The following PTPRT variants were observed in gnomAD, a reference collection of about 807,000 sequenced individuals.
PTPRT encodes protein tyrosine phosphatase receptor type T.
A neutral mutation model predicts 176.8 loss-of-function variants in PTPRT; 56 were observed. The ratio of observed to expected loss-of-function variants is 0.32; its 90% confidence interval spans 0.26 to 0.40. The LOEUF (loss-of-function observed/expected upper bound fraction) is 0.40, where lower values mean the gene tolerates loss of function less well. Among genes scored for constraint, PTPRT ranks in the 10% least tolerant of loss-of-function variants. The pLI, the probability that PTPRT is intolerant of heterozygous loss-of-function variation, is 1.00. For synonymous variants in PTPRT, 783 were observed against 739.0 expected (o/e 1.06, Z -0.96); for missense variants, 1,540 against 1,908.2 (o/e 0.81, Z 3.60).
At chr20:42,365,181 G>A (rs945807694) in intron 9 of PTPRT, among the ~76,000 whole-genome samples, 1 of 152,174 alleles carries the variant, frequency 6.6e-6, no homozygotes, top group Non-Finnish European at 1.5e-5. Flanking sequence ...TTCCCACTAA[G>A]TGTTCGAAAC....
intron 7 of PTPRT, among the ~76,000 whole-genome samples, chr20:42,538,320 C>T (rs768871274): frequency 1.1e-4 from 17 of 152,146 alleles, no homozygotes; most frequent in Non-Finnish European, 2.1e-4. Context: ...CTCTGAAATC[C>T]GAACATACTA....
intron 26 of PTPRT, among the ~76,000 whole-genome samples, chr20:42,100,166 A>ATGTT (rs1354419590): frequency 6.6e-6 from 1 of 152,212 alleles, no homozygotes; most frequent in African/African-American, 2.4e-5. Flanking sequence ...CACTCAGTGA[A>ATGTT]TGTTAGTTTT....
intron 1 of PTPRT, among the ~76,000 whole-genome samples, chr20:43,057,690 T>C (rs1987299061): frequency 6.6e-6 from 1 of 152,192 alleles, no homozygotes; most frequent in Admixed American, 6.5e-5. Flanking sequence ...TATTTCAAAA[T>C]AAAAACTTAG....
chr20:42,317,013 TG>T (rs1055136365), intron 11 of PTPRT, among the ~76,000 whole-genome samples: 1 of 152,230 alleles, frequency 6.6e-6, no homozygotes, highest in Non-Finnish European at 1.5e-5. Flanking sequence ...TACTTATCTC[TG>T]CCTCATTCTC....
chr20:42,791,598 G>T (rs950266099), intron 2 of PTPRT, 132 bp from the exon 3 acceptor site: 2 of 994,030 alleles, frequency 2.0e-6, no homozygotes, highest in African/African-American at 3.3e-5. Context: ...GAAGGGTCTG[G>T]GTGACCCTGC....
At chr20:42,270,375 C>G in intron 13 of PTPRT, 1 of 1,514,974 alleles carries the variant, frequency 6.6e-7, no homozygotes, top group Non-Finnish European at 9.0e-7. Flanking sequence ...CCCTCCCACC[C>G]GCCCAGGGCT....
At chr20:42,546,792 G>C (rs961093073) in intron 7 of PTPRT, among the ~76,000 whole-genome samples, 1 of 152,134 alleles carries the variant, frequency 6.6e-6, no homozygotes, top group African/African-American at 2.4e-5. Flanking sequence ...AGAATGACAG[G>C]AGAATGGATG....
rs753341257 is a variant in PTPRT at position 42,448,271 on chromosome 20, G to A, written c.1509C>T (p.Tyr503=). Residue 503 remains tyrosine (Y), a synonymous_variant, in exon 9 of 31, where the codon TAC becomes TAT. Transcript: ENST00000373187. ...TCTCATTGGGAGGTTTCCACTGGAT[G>A]TAGATCTTCTCCTCAAAGGGCCCCC... The part of the protein sequence containing the change: ...IQGGPFEEKI[Y]IQWKPPNETN... 22 of 1,613,464 alleles carry A rather than the reference G, an allele frequency of 1.4e-5. No homozygotes were observed. Among genetic ancestry groups the A allele is most frequent in the African/African-American group, 2.7e-5 (2 of 74,874 alleles).
In PTPRT at chr20:42,609,320, C is replaced by T. The variant is rs150978816; in HGVS notation, c.1153+68546G>A. On this transcript the variant is annotated intron_variant, in intron 7 of 30. Coordinates refer to ENST00000373187, the MANE Select transcript of PTPRT (RefSeq NM_007050.6). Reference sequence around the variant, plus strand: ...AACTCCTGACCGCAAACGATCCGCCCGCCTCAGCCTCCCAAAGTGCTGGGA... The same window carrying T: ...AACTCCTGACCGCAAACGATCCGCCTGCCTCAGCCTCCCAAAGTGCTGGGA... Among the ~76,000 whole-genome samples, 598 of 152,190 alleles carry T rather than the reference C, an allele frequency of 3.9e-3. 8 individuals are homozygous for T. The highest frequency in any genetic ancestry group is 0.014 in the African/African-American group (579 of 41,530).
chr20:42,236,113 C>A (rs1568696016), intron 15 of PTPRT, 116 bp downstream of exon 15: 2 of 873,972 alleles, frequency 2.3e-6, no homozygotes, highest in Non-Finnish European at 3.5e-6. Context: ...AGGCTACAGA[C>A]AACTTAGACA....
chr20:42,435,619 T>A (rs2059255733), intron 9 of PTPRT, among the ~76,000 whole-genome samples: 1 of 152,108 alleles, frequency 6.6e-6, no homozygotes, highest in African/African-American at 2.4e-5. Flanking sequence ...ATGCAATAGC[T>A]CTAAAATTAA....
At chr20:42,519,490 G>T (rs901489071) in intron 7 of PTPRT, among the ~76,000 whole-genome samples, 1 of 152,048 alleles carries the variant, frequency 6.6e-6, no homozygotes, top group Non-Finnish European at 1.5e-5. Flanking sequence ...TTTAGAGTAG[G>T]CAAGTAGATT....
At chr20:43,002,421 T>C (rs942161258) in intron 1 of PTPRT, among the ~76,000 whole-genome samples, 1 of 152,218 alleles carries the variant, frequency 6.6e-6, no homozygotes, top group Non-Finnish European at 1.5e-5. Context: ...ACGCATACTT[T>C]GTGTACTGTA....
chr20:42,332,045 A>C (rs1471047773), intron 11 of PTPRT, among the ~76,000 whole-genome samples: 3 of 152,114 alleles, frequency 2.0e-5, no homozygotes, highest in African/African-American at 7.2e-5. Flanking sequence ...CAAAAATGCC[A>C]GTTTCACTTA....
At chr20:42,871,750 G>A (rs2078850367) in intron 2 of PTPRT, among the ~76,000 whole-genome samples, 1 of 150,964 alleles carries the variant, frequency 6.6e-6, no homozygotes, top group Non-Finnish European at 1.5e-5. Flanking sequence ...GTGTAGTCTT[G>A]GTACCCTTAG....
intron 1 of PTPRT, among the ~76,000 whole-genome samples, chr20:42,983,981 G>A (rs1392657417): frequency 6.6e-6 from 1 of 152,174 alleles, no homozygotes; most frequent in Non-Finnish European, 1.5e-5. Context: ...GGAGCTGACT[G>A]GTCAGGTCTA....
At chr20:42,243,014 G>A (rs2056383587) in intron 14 of PTPRT, among the ~76,000 whole-genome samples, 1 of 140,838 alleles carries the variant, frequency 7.1e-6, no homozygotes, top group African/African-American at 2.6e-5. Context: ...AAAGACAATG[G>A]AGGAAGAGGA....
intron 7 of PTPRT, among the ~76,000 whole-genome samples, chr20:42,604,671 G>A (rs2073841555): frequency 6.6e-6 from 1 of 152,296 alleles, no homozygotes; most frequent in African/African-American, 2.4e-5. Flanking sequence ...CACCCCAAGA[G>A]CTCTGGGCCC....
At chr20:42,692,479 T>C (rs993145593) in intron 6 of PTPRT, among the ~76,000 whole-genome samples, 1 of 152,204 alleles carries the variant, frequency 6.6e-6, no homozygotes, top group Non-Finnish European at 1.5e-5. Flanking sequence ...GAGGAAGCAC[T>C]TGATGGAAAT....
Sources: allele counts gnomAD v4.1 joint callset (sites outside exome capture counted in the v4.1 genomes callset), GRCh38; gene constraint gnomAD v4.1.1; transcripts MANE v1.5; gene names NCBI Gene and HGNC (gene_info 2026-07-23, HGNC 2026-07-21).